Variants in ANK3 observed in about 807,000 individuals in gnomAD.
The protein encoded by ANK3 is ankyrin 3, also known as ankyrin-3.
A neutral mutation model predicts 370.9 loss-of-function variants in ANK3; 57 were observed. That is an observed-to-expected ratio of 0.15 (90% CI 0.12 to 0.19). ANK3 has a LOEUF of 0.19. ANK3 is among the 10% of genes least tolerant of loss of function. ANK3 has a pLI of 1.00. For missense variants in ANK3, 4,439 were observed against 5,302.1 expected (o/e 0.84, Z 5.06); for synonymous variants, 1,929 against 1,946.3 (o/e 0.99, Z 0.23).
At chr10:60,110,694 A>G (rs577833098) in intron 26 of ANK3, among the ~76,000 whole-genome samples, 1 of 152,342 alleles carries the variant, frequency 6.6e-6, no homozygotes, top group African/African-American at 2.4e-5. Context: ...ACTTTTATTC[A>G]ATAATGAAGG....
chr10:60,302,031 G>A (rs576605469), intron 1 of ANK3, among the ~76,000 whole-genome samples: 11 of 152,272 alleles, frequency 7.2e-5, no homozygotes, highest in African/African-American at 2.4e-4. Flanking sequence ...AGACTACTAA[G>A]TGCCAGACAT....
intron 2 of ANK3, among the ~76,000 whole-genome samples, chr10:60,495,274 A>G (rs2075625054): frequency 2.6e-5 from 4 of 152,206 alleles, no homozygotes; most frequent in African/African-American, 9.6e-5. Context: ...GGCTCATGCT[A>G]TAGTTCTAGA....
chr10:60,322,825 T>C (rs1227393713), intron 1 of ANK3, among the ~76,000 whole-genome samples: 4 of 152,046 alleles, frequency 2.6e-5, no homozygotes, highest in African/African-American at 7.2e-5. Context: ...GTGGTTGAAT[T>C]TGGGGTATAT....
intron 1 of ANK3, among the ~76,000 whole-genome samples, chr10:60,284,925 A>G (rs2098222433): frequency 6.6e-6 from 1 of 151,956 alleles, no homozygotes. Flanking sequence ...CTTCCTGTAA[A>G]CTTCAAATTC....
chr10:60,454,387 G>T (rs1299248598), intron 2 of ANK3, among the ~76,000 whole-genome samples: 1 of 152,116 alleles, frequency 6.6e-6, no homozygotes, highest in Non-Finnish European at 1.5e-5. Flanking sequence ...TCCACCGACT[G>T]CCCTCAGGCT....
At chr10:60,033,380 T>C (rs1340818459) in intron 43 of ANK3, among the ~76,000 whole-genome samples, 1 of 151,542 alleles carries the variant, frequency 6.6e-6, no homozygotes, top group African/African-American at 2.4e-5. Context: ...CCGGGTGAGG[T>C]GGCAGGCACC....
chr10:60,094,221 T>C (rs962157860), intron 28 of ANK3, among the ~76,000 whole-genome samples: 2 of 141,812 alleles, frequency 1.4e-5, no homozygotes, highest in Admixed American at 7.5e-5. Flanking sequence ...TCTCACTCAC[T>C]CTGTTGCTTA....
At chr10:60,049,834 T>C (rs142830827) in intron 42 of ANK3, among the ~76,000 whole-genome samples, 2 of 152,208 alleles carry the variant, frequency 1.3e-5, no homozygotes, top group Non-Finnish European at 2.9e-5. Flanking sequence ...GTTTTGAAGT[T>C]ATTGTTTTTG....
At chr10:60,080,383 C>T in intron 36 of ANK3, 154 bp downstream of exon 36, 1 of 630,430 alleles carries the variant, frequency 1.6e-6, no homozygotes. Flanking sequence ...TTCAACTAGG[C>T]ACAAAATATT....
At position 60,071,141 on chromosome 10, in the gene ANK3, T is replaced by C. The variant is rs956407567; in HGVS notation, c.9740A>G (p.Asn3247Ser). 3.7e-6 allele frequency: 6 copies of C among 1,613,996 alleles called. No individual in the cohort carries two copies. Among genetic ancestry groups the C allele is most frequent in the South Asian group, 2.2e-5 (2 of 91,090 alleles). The change falls in exon 37 of 44, where the codon AAC becomes AGC. Residue 3247 changes from asparagine to serine, a missense_variant. By Grantham distance (46) the Asn-to-Ser change is conservative. Coordinates refer to ENST00000280772, the MANE Select transcript of ANK3 (RefSeq NM_020987.5). Reference sequence around the variant, plus strand: ...GGGAAATTCAATATAGGCAACTCTGTTATTTTTGGGTCTTTGGTTAGAGTC... The same window carrying C: ...GGGAAATTCAATATAGGCAACTCTGCTATTTTTGGGTCTTTGGTTAGAGTC... ...SKDSNQRPKN[N>S]RVAYIEFPPP...
chr10:60,401,949 CTG>C (rs1231554702), intron 2 of ANK3, among the ~76,000 whole-genome samples: 2 of 152,208 alleles, frequency 1.3e-5, no homozygotes, highest in East Asian at 3.9e-4. Context: ...TGGAATTAAA[CTG>C]TATTTCTATC....
At chr10:60,266,238 A>T (rs2097876982) in intron 5 of ANK3, among the ~76,000 whole-genome samples, 1 of 152,210 alleles carries the variant, frequency 6.6e-6, no homozygotes, top group Admixed American at 6.5e-5. Flanking sequence ...AGTAGTCTAC[A>T]TGTCAATGTA....
chr10:60,180,454 G>A (rs746011098), intron 18 of ANK3, among the ~76,000 whole-genome samples: 3 of 149,960 alleles, frequency 2.0e-5, no homozygotes, highest in Non-Finnish European at 4.4e-5. Context: ...AAATTAGTTG[G>A]GCATGGTGGC....
chr10:60,379,456 GA>G (rs1219760775), intron 1 of ANK3, among the ~76,000 whole-genome samples: 8 of 152,174 alleles, frequency 5.3e-5, no homozygotes, highest in Admixed American at 1.3e-4. Context: ...GCCAAGATAT[GA>G]AATCAACCTA....
At chr10:60,390,023 T>A, upstream of ANK3, 1 of 132,092 alleles carries the variant, frequency 7.6e-6, no homozygotes, top group Non-Finnish European at 1.5e-5. Flanking sequence ...CTGCAATTTA[T>A]ACATCACCAC....
At chr10:60,157,194 C>T (rs978379678) in intron 23 of ANK3, among the ~76,000 whole-genome samples, 3 of 151,814 alleles carry the variant, frequency 2.0e-5, no homozygotes, top group Non-Finnish European at 2.9e-5. Context: ...CGTGCCACCA[C>T]GCCTGGCTAA....
chr10:60,445,473 A>G (rs954028425), intron 2 of ANK3, among the ~76,000 whole-genome samples: 4 of 148,046 alleles, frequency 2.7e-5, no homozygotes, highest in African/African-American at 9.9e-5. Context: ...TATTAAGCTG[A>G]CAATAGTGAT....
intron 2 of ANK3, among the ~76,000 whole-genome samples, chr10:60,448,263 G>A (rs1236624572): frequency 5.3e-5 from 8 of 152,168 alleles, no homozygotes; most frequent in South Asian, 4.1e-4. Flanking sequence ...GAGAGACTCC[G>A]AGCACTGAAG....
chr10:60,294,653 A>G (rs961015132), intron 1 of ANK3, among the ~76,000 whole-genome samples: 1 of 152,184 alleles, frequency 6.6e-6, no homozygotes, highest in South Asian at 2.1e-4. Flanking sequence ...AAATATAGCT[A>G]AAGAAGTTCT....
Sources: gnomAD v4.1 joint callset for allele counts (sites outside exome capture counted in the v4.1 genomes callset) on GRCh38, gnomAD v4.1.1 for gene constraint, MANE v1.5 for transcripts, NCBI Gene and HGNC (gene_info 2026-07-23, HGNC 2026-07-21) for gene names.